PCDHA1: variants seen among roughly 807,000 people sequenced by gnomAD.
The protein encoded by PCDHA1 is protocadherin alpha 1.
PCDHA1 carries 42 observed loss-of-function variants against 61.3 expected under a neutral mutation model. The ratio of observed to expected loss-of-function variants is 0.69; its 90% confidence interval spans 0.54 to 0.89. The LOEUF (loss-of-function observed/expected upper bound fraction) is 0.89, where lower values mean the gene tolerates loss of function less well. Among genes scored for constraint, PCDHA1 ranks in the 40% least tolerant of loss-of-function variants. PCDHA1 has a pLI of 0.00. For synonymous variants in PCDHA1, 610 were observed against 553.8 expected (o/e 1.10, Z -1.43); for missense variants, 1,256 against 1,235.3 (o/e 1.02, Z -0.25).
intron 1 of PCDHA1, among the ~76,000 whole-genome samples, chr5:140,874,280 C>CA (rs1218640311): frequency 6.6e-6 from 1 of 152,146 alleles, no homozygotes; most frequent in Non-Finnish European, 1.5e-5. Context: ...AATAGACTTA[C>CA]AAAATCTATG....
intron 1 of PCDHA1, chr5:140,828,066 T>G (rs1334678252): frequency 1.9e-6 from 3 of 1,559,958 alleles, no homozygotes; most frequent in Non-Finnish European, 2.6e-6. Context: ...GATCTTCTAA[T>G]GGAAATAAAA....
chr5:140,877,581 C>G (rs904001764), intron 1 of PCDHA1: 1 of 1,613,842 alleles, frequency 6.2e-7, no homozygotes, highest in Admixed American at 1.7e-5. Context: ...TCATCATCGC[C>G]ATCTGTGCGG....
chr5:140,980,428 G>A (rs868912779), intron 2 of PCDHA1, among the ~76,000 whole-genome samples: 5 of 152,028 alleles, frequency 3.3e-5, no homozygotes, highest in Admixed American at 2.6e-4. Flanking sequence ...TCAAGAGATC[G>A]AGACCATCCT....
chr5:140,997,131 C>T (rs577407385), intron 3 of PCDHA1, among the ~76,000 whole-genome samples: 26 of 152,126 alleles, frequency 1.7e-4, no homozygotes, highest in African/African-American at 6.0e-4. Flanking sequence ...ACACAATGCC[C>T]CCACACCCCC....
chr5:140,889,241 T>C (rs987868473), intron 1 of PCDHA1, among the ~76,000 whole-genome samples: 120 of 151,950 alleles, frequency 7.9e-4, no homozygotes, highest in African/African-American at 2.7e-3. Context: ...TCCAGAAAAT[T>C]TTCTGTTTCC....
chr5:140,856,373 G>A (rs781914523), intron 1 of PCDHA1: 1 of 1,598,562 alleles, frequency 6.3e-7, no homozygotes, highest in Non-Finnish European at 8.6e-7. Context: ...GGAGGTGATC[G>A]TGGACAGGCC....
At position 140,786,778 on chromosome 5, in the gene PCDHA1, G is replaced by C; in HGVS notation, c.488G>C (p.Gly163Ala). Residue 163 changes from glycine (G) to alanine (A), a missense_variant, in exon 1 of 4, where the codon GGT (glycine) becomes GCT (alanine). Coordinates refer to ENST00000504120, the MANE Select transcript of PCDHA1 (RefSeq NM_018900.4). The stretch of plus-strand genomic sequence containing the variant: ...GAAGGAGCTGCTGATGCAGACATTG[G>C]TGCTAACGCTCTTCTAACGTACACG... ...PIEGAADADI[G>A]ANALLTYTLS... 2 of 1,614,228 alleles carry C rather than the reference G, an allele frequency of 1.2e-6. No individual in the cohort carries two copies. The highest frequency in any genetic ancestry group is 8.5e-7 in the Non-Finnish European group (1 of 1,180,042).
At chr5:140,835,716 G>A in intron 1 of PCDHA1, 1 of 1,613,908 alleles carries the variant, frequency 6.2e-7, no homozygotes, top group Non-Finnish European at 8.5e-7. Flanking sequence ...GTCCGTGGAG[G>A]TGGCCGACGT....
chr5:140,942,680 A>C (rs2093354394), intron 1 of PCDHA1, among the ~76,000 whole-genome samples: 1 of 152,218 alleles, frequency 6.6e-6, no homozygotes, highest in African/African-American at 2.4e-5. Context: ...AAGTTTTAGG[A>C]ATAACTTTAA....
intron 1 of PCDHA1, chr5:140,836,138 G>A (rs2150253717): frequency 6.2e-7 from 1 of 1,613,790 alleles, no homozygotes; most frequent in Middle Eastern, 1.6e-4. Flanking sequence ...CGCGGTCTGT[G>A]GGCGCGGGCC....
At chr5:140,957,674 T>C (rs2095374808) in intron 1 of PCDHA1, among the ~76,000 whole-genome samples, 1 of 152,084 alleles carries the variant, frequency 6.6e-6, no homozygotes, top group African/African-American at 2.4e-5. Flanking sequence ...AAATTAATTA[T>C]GAAATATCTA....
chr5:140,808,971 G>T (rs1441304336), intron 1 of PCDHA1: 2 of 1,613,598 alleles, frequency 1.2e-6, no homozygotes, highest in African/African-American at 1.3e-5. Context: ...GCAAAGGTGC[G>T]CGCGGTGGAT....
At chr5:140,928,143 C>T (rs983552748) in intron 1 of PCDHA1, 2 of 1,614,228 alleles carry the variant, frequency 1.2e-6, no homozygotes, top group Middle Eastern at 1.6e-4. Context: ...TGATCACGGC[C>T]TCAGATAGTG....
Position 140,787,007 on chromosome 5 carries a change from C to G in PCDHA1, c.717C>G (p.Ala239=). The change falls in exon 1 of 4, where the codon GCC becomes GCG. Residue 239 remains alanine (A), a synonymous_variant. Transcript: ENST00000504120. The stretch of plus-strand genomic sequence containing the variant: ...CCGTCCTCGACGTTAATGATAACGC[C>G]CCACTGTTTGACCAGGCCGTATACA... The part of the protein sequence containing the change: ...LITVLDVNDN[A]PLFDQAVYRV... 2 of 1,614,120 alleles carry G rather than the reference C, an allele frequency of 1.2e-6. No individual in the cohort carries two copies. The highest frequency in any genetic ancestry group is 1.7e-6 in the Non-Finnish European group (2 of 1,180,000).
At chr5:140,802,985 A>G (rs1353425952) in intron 1 of PCDHA1, 3 of 1,613,912 alleles carry the variant, frequency 1.9e-6, no homozygotes, top group Admixed American at 1.7e-5. Flanking sequence ...AGGTGCGCGC[A>G]GTGGATGCAG....
At chr5:140,795,561 G>A (rs1554119494) in intron 1 of PCDHA1, 3 of 1,614,136 alleles carry the variant, frequency 1.9e-6, no homozygotes, top group South Asian at 1.1e-5. Context: ...TGGGGAAATC[G>A]CTGGACAGAG....
At chr5:140,921,379 T>C (rs1186418255) in intron 1 of PCDHA1, among the ~76,000 whole-genome samples, 1 of 152,180 alleles carries the variant, frequency 6.6e-6, no homozygotes, top group Non-Finnish European at 1.5e-5. Context: ...TTTCTACATA[T>C]TTGATAAACA....
In PCDHA1 at chr5:140,834,331, T is replaced by C. The variant is rs2150215321; in HGVS notation, c.2394+45647T>C. ...TGAAATGAAGGGATAAAAACATTCC[T>C]ATAAATTCGAAGGCAAGTTTTGCTG... On this transcript the variant is annotated intron_variant, in intron 1 of 3. Coordinates refer to ENST00000504120, the MANE Select transcript of PCDHA1 (RefSeq NM_018900.4). 119 of 1,480,242 alleles carry C rather than the reference T, an allele frequency of 8.0e-5. No individual in the cohort carries two copies. In the African/African-American group the frequency reaches 9.8e-4, roughly 12 times the overall value. The allele number at this position is 1,480,242 out of a possible 1,614,324, so 91.7% of individuals were successfully genotyped here. A position where few individuals can be genotyped will look rare whatever the true frequency, so the allele number is the denominator to read the frequency against.
At chr5:140,928,097 C>T (rs2084934742) in intron 1 of PCDHA1, 2 of 1,614,054 alleles carry the variant, frequency 1.2e-6, no homozygotes, top group African/African-American at 2.7e-5. Flanking sequence ...ATTGATGGGC[C>T]CCTGGACCGG....
Sources: allele counts gnomAD v4.1 joint callset (sites outside exome capture counted in the v4.1 genomes callset), GRCh38; gene constraint gnomAD v4.1.1; transcripts MANE v1.5; gene names NCBI Gene and HGNC (gene_info 2026-07-23, HGNC 2026-07-21).